SLC39A11: variants seen among roughly 807,000 people sequenced by gnomAD.
SLC39A11 encodes zinc transporter ZIP11.
Under a neutral mutation model 36.1 loss-of-function variants are expected in SLC39A11, and 33 were observed. The ratio of observed to expected loss-of-function variants is 0.91; its 90% CI spans 0.69 to 1.22. The LOEUF (loss-of-function observed/expected upper bound fraction) is 1.22. Among genes scored for constraint, SLC39A11 ranks in the 50% most tolerant of loss-of-function variants. The probability of loss-of-function intolerance (pLI) is 0.00; values close to 1 mark genes in which losing one functional copy is unlikely to be tolerated. For synonymous variants in SLC39A11, 166 were observed against 170.3 expected (o/e 0.97, Z 0.20); for missense variants, 432 against 430.3 (o/e 1.00, Z -0.03).
intron 4 of SLC39A11, among the ~76,000 whole-genome samples, chr17:73,003,860 T>A (rs1017025860): frequency 1.3e-5 from 2 of 151,990 alleles, no homozygotes; most frequent in African/African-American, 2.4e-5. Context: ...CTGAAGCGGG[T>A]GGATCACCCG....
At chr17:72,666,034 G>A (rs1374196753) in intron 7 of SLC39A11, among the ~76,000 whole-genome samples, 1 of 152,158 alleles carries the variant, frequency 6.6e-6, no homozygotes, top group Non-Finnish European at 1.5e-5. Context: ...TAGCAGGTCT[G>A]ATGTCTGCTC....
rs565554188 is a variant in SLC39A11 at position 72,866,445 on chromosome 17, G to A, written c.431-16641C>T. On this transcript the variant is annotated intron_variant, in intron 5 of 9. Coordinates refer to ENST00000255559, the MANE Select transcript of SLC39A11 (RefSeq NM_139177.4). ...AGTACACAATAAATGTAATGTGTGT[G>A]AATCATCCCAGAACCATCCCCCACA... Among the ~76,000 whole-genome samples the A allele has an allele frequency of 6.0e-4, 92 of 152,252 alleles. 1 individual carries two copies. The highest frequency in any genetic ancestry group is 2.1e-3 in the African/African-American group (89 of 41,546).
intron 3 of SLC39A11, among the ~76,000 whole-genome samples, chr17:73,037,288 T>C (rs2058952221): frequency 6.6e-6 from 1 of 152,218 alleles, no homozygotes; most frequent in Admixed American, 6.5e-5. Context: ...AGCATCACTT[T>C]TTAAATAATC....
At chr17:72,867,136 G>A (rs993091597) in intron 5 of SLC39A11, among the ~76,000 whole-genome samples, 1 of 152,160 alleles carries the variant, frequency 6.6e-6, no homozygotes, top group African/African-American at 2.4e-5. Flanking sequence ...TCCTCTGATT[G>A]GTAGGGAGGA....
chr17:72,906,473 C>CA (rs1378134144), intron 5 of SLC39A11, among the ~76,000 whole-genome samples: 3 of 152,346 alleles, frequency 2.0e-5, no homozygotes, highest in Non-Finnish European at 2.9e-5. Context: ...CAGTTGGAAA[C>CA]AGTGGACAAG....
At chr17:72,960,150 T>C (rs754239407) in intron 4 of SLC39A11, among the ~76,000 whole-genome samples, 42 of 152,350 alleles carry the variant, frequency 2.8e-4, no homozygotes, top group Middle Eastern at 3.4e-3. Flanking sequence ...ATGAGCAGAA[T>C]ACTCAGCAAA....
At chr17:73,049,131 G>A (rs1414868180) in intron 3 of SLC39A11, among the ~76,000 whole-genome samples, 2 of 152,180 alleles carry the variant, frequency 1.3e-5, no homozygotes, top group Non-Finnish European at 2.9e-5. Context: ...AGAGTGAGTC[G>A]GCAAGTAGCT....
chr17:72,900,521 C>G lies in SLC39A11; in HGVS notation c.430+47231G>C, dbSNP rs1227006113. On this transcript the variant is annotated intron_variant, in intron 5 of 9. Coordinates refer to ENST00000255559, the MANE Select transcript of SLC39A11 (RefSeq NM_139177.4). ...ATGAGTCCAGAGGGGCAGCCAGGACCCTGATCCTGGAAGTCTATGGTTAGG... is the reference window on the plus strand; with the variant it reads ...ATGAGTCCAGAGGGGCAGCCAGGACGCTGATCCTGGAAGTCTATGGTTAGG... Among the ~76,000 whole-genome samples, 4 of 152,096 alleles carry G rather than the reference C, an allele frequency of 2.6e-5. No homozygotes were observed. In the East Asian group the frequency reaches 5.8e-4, roughly 22 times the overall value.
chr17:72,656,070 G>A (rs1036686457), intron 7 of SLC39A11, among the ~76,000 whole-genome samples: 1 of 152,162 alleles, frequency 6.6e-6, no homozygotes, highest in African/African-American at 2.4e-5. Context: ...AGGTGGGGTT[G>A]GTGGGCCATT....
At chr17:73,055,660 C>A (rs1277071991) in intron 3 of SLC39A11, among the ~76,000 whole-genome samples, 1 of 151,952 alleles carries the variant, frequency 6.6e-6, no homozygotes, top group Non-Finnish European at 1.5e-5. Flanking sequence ...TGGAGGGGAG[C>A]GGAGACCTCC....
At chr17:72,897,658 C>T (rs927496451) in intron 5 of SLC39A11, among the ~76,000 whole-genome samples, 13 of 152,112 alleles carry the variant, frequency 8.5e-5, no homozygotes, top group African/African-American at 1.2e-4. Context: ...ATCTCATAAG[C>T]GACAGCATAG....
rs1163740454 is a variant in SLC39A11, at chr17:72,679,884, A to C, written c.672-30616T>G. ...TGGTGAAACCCTGTCTCTACCAAAA[A>C]TACAAAAATTAGCTGGGCGTGGTGG... On this transcript the variant is annotated intron_variant, in intron 7 of 9. Transcript: ENST00000255559. Among the ~76,000 whole-genome samples the C allele has an allele frequency of 2.0e-5, 3 of 152,008 alleles. 1 individual carries two copies. The highest frequency in any genetic ancestry group is 4.4e-5 in the Non-Finnish European group (3 of 67,988).
chr17:72,835,712 C>T (rs2078505635), intron 6 of SLC39A11, among the ~76,000 whole-genome samples: 1 of 152,186 alleles, frequency 6.6e-6, no homozygotes, highest in African/African-American at 2.4e-5. Flanking sequence ...CTGCATGCCT[C>T]GGCCTCCCAA....
At chr17:72,788,668 G>A (rs923204392) in intron 6 of SLC39A11, among the ~76,000 whole-genome samples, 9 of 152,218 alleles carry the variant, frequency 5.9e-5, no homozygotes, top group African/African-American at 2.2e-4. Context: ...GCCAAACACC[G>A]GGGCTCCACC....
chr17:72,943,525 T>C (rs1050097686), intron 5 of SLC39A11, among the ~76,000 whole-genome samples: 1 of 152,212 alleles, frequency 6.6e-6, no homozygotes, highest in African/African-American at 2.4e-5. Flanking sequence ...AATCTGTTTC[T>C]TACCTGAGTG....
At chr17:72,738,430 G>T (rs368740321) in intron 6 of SLC39A11, among the ~76,000 whole-genome samples, 1 of 152,200 alleles carries the variant, frequency 6.6e-6, no homozygotes, top group Non-Finnish European at 1.5e-5. Flanking sequence ...GCAGCGTGGG[G>T]CTAGACAAGA....
chr17:72,775,764 C>A (rs1259512563), intron 6 of SLC39A11, among the ~76,000 whole-genome samples: 1 of 152,156 alleles, frequency 6.6e-6, no homozygotes, highest in African/African-American at 2.4e-5. Flanking sequence ...CAAGCAGATT[C>A]CCTTCTCTGG....
chr17:72,812,641 T>C (rs2077468014), intron 6 of SLC39A11, among the ~76,000 whole-genome samples: 1 of 152,246 alleles, frequency 6.6e-6, no homozygotes, highest in Non-Finnish European at 1.5e-5. Flanking sequence ...ATCCAGTTTC[T>C]TGATTTGAAA....
At chr17:72,789,648 A>C (rs1052338595) in intron 6 of SLC39A11, among the ~76,000 whole-genome samples, 2 of 152,180 alleles carry the variant, frequency 1.3e-5, no homozygotes, top group East Asian at 3.9e-4. Context: ...ATAGAACAAC[A>C]ACCTGATTAA....
Sources: gnomAD v4.1 joint callset for allele counts (sites outside exome capture counted in the v4.1 genomes callset) on GRCh38, gnomAD v4.1.1 for gene constraint, MANE v1.5 for transcripts, NCBI Gene and HGNC (gene_info 2026-07-23, HGNC 2026-07-21) for gene names.